MS4A7: variants seen among roughly 807,000 people sequenced by gnomAD.
The protein encoded by MS4A7 is membrane spanning 4-domains A7, also known as membrane-spanning 4-domains subfamily A member 7.
A neutral mutation model predicts 23.5 loss-of-function variants in MS4A7; 21 were observed. The ratio of observed to expected loss-of-function variants is 0.89; its 90% confidence interval spans 0.63 to 1.29. MS4A7 has a LOEUF of 1.29. Among genes scored for constraint, MS4A7 ranks in the 50% most tolerant of loss-of-function variants. The pLI is 0.00. For synonymous variants in MS4A7, 111 were observed against 107.4 expected (o/e 1.03, Z -0.21); for missense variants, 263 against 274.2 (o/e 0.96, Z 0.29).
intron 1 of MS4A7, among the ~76,000 whole-genome samples, chr11:60,382,758 A>G (rs1374373431): frequency 6.6e-6 from 1 of 152,258 alleles, no homozygotes; most frequent in Non-Finnish European, 1.5e-5. Flanking sequence ...AGAAGGTAGC[A>G]CAAGTGAAGC....
At chr11:60,382,977 C>T (rs1032079829) in intron 1 of MS4A7, among the ~76,000 whole-genome samples, 152 bp from the exon 2 acceptor site, 1 of 152,238 alleles carries the variant, frequency 6.6e-6, no homozygotes, top group Non-Finnish European at 1.5e-5. Context: ...CTTTCCAATG[C>T]TCCACTGATC....
intron 1 of MS4A7, among the ~76,000 whole-genome samples, chr11:60,381,393 G>A (rs150357015): frequency 2.6e-5 from 4 of 152,234 alleles, no homozygotes; most frequent in Admixed American, 6.5e-5. Flanking sequence ...TCTCATGCCC[G>A]GAGAGCATGA....
At chr11:60,384,274 C>T (rs2085460995) in intron 2 of MS4A7, among the ~76,000 whole-genome samples, 1 of 152,188 alleles carries the variant, frequency 6.6e-6, no homozygotes, top group African/African-American at 2.4e-5. Flanking sequence ...GTTGGTAAAA[C>T]ATAGCCTAAA....
chr11:60,395,034 G>A lies in MS4A7; in HGVS notation c.*1173G>A, dbSNP rs1013101415. 8.2e-5 allele frequency: 49 copies of A among 594,330 alleles called. No homozygotes were observed. Among genetic ancestry groups the A allele is most frequent in the Admixed American group, 5.3e-5 (2 of 37,910 alleles). The allele number at this position is 594,330 out of a possible 1,614,324, so 36.8% of individuals were successfully genotyped here. A position where few individuals can be genotyped will look rare whatever the true frequency, so the allele number is the denominator to read the frequency against. On this transcript the variant is annotated 3_prime_UTR_variant, in exon 7 of 7. Transcript: ENST00000300184. Reference sequence around the variant, plus strand: ...TTCTGCTTCTAGCTTGGAGCTAAATGCTGCTCATGCTGAAAAGAATAATGT... The same window carrying A: ...TTCTGCTTCTAGCTTGGAGCTAAATACTGCTCATGCTGAAAAGAATAATGT...
chr11:60,389,898 G>A (rs1389708641), intron 5 of MS4A7: 2 of 318,750 alleles, frequency 6.3e-6, no homozygotes, highest in Admixed American at 9.2e-5. Flanking sequence ...AACCTTTGTT[G>A]TACTCATCAC....
At chr11:60,391,607 T>C (rs906287889) in intron 5 of MS4A7, among the ~76,000 whole-genome samples, 2 of 152,160 alleles carry the variant, frequency 1.3e-5, no homozygotes, top group Non-Finnish European at 2.9e-5. Context: ...TTTTAAATCA[T>C]TAAAGATGTT....
chr11:60,393,571 T>C (rs1423436971), intron 6 of MS4A7, among the ~76,000 whole-genome samples: 2 of 152,248 alleles, frequency 1.3e-5, no homozygotes, highest in Admixed American at 6.5e-5. Context: ...AGAATTTGGA[T>C]GAATTATGAT....
chr11:60,379,543 TTTG>T (rs143170545), intron 1 of MS4A7, among the ~76,000 whole-genome samples: 40,924 of 151,672 alleles, frequency 0.27, 6,459 homozygotes, highest in East Asian at 0.37. Context: ...TGTTTGTTTG[TTTG>T]TTTTTTAATT....
intron 4 of MS4A7, among the ~76,000 whole-genome samples, chr11:60,388,089 A>G (rs2085510857): frequency 6.6e-6 from 1 of 152,204 alleles, no homozygotes; most frequent in Admixed American, 6.5e-5. Flanking sequence ...AGCTATATGG[A>G]TTCATGTGCT....
intron 5 of MS4A7, 68 bp downstream of exon 5, chr11:60,389,664 C>T (rs2085530552): frequency 1.4e-6 from 2 of 1,441,692 alleles, no homozygotes; most frequent in South Asian, 2.3e-5. Context: ...ATACTCTCTG[C>T]TTTTCTGGCA....
chr11:60,389,774 G>T, intron 5 of MS4A7, 178 bp downstream of exon 5: 1 of 609,208 alleles, frequency 1.6e-6, no homozygotes. Context: ...TGTGGGGGAT[G>T]TACTATAGAA....
rs191005773 is a variant in MS4A7 at position 60,386,877 on chromosome 11, G to C, written c.339+104G>C. 25 of 1,025,328 alleles carry C rather than the reference G, an allele frequency of 2.4e-5. No individual in the cohort carries two copies. In the African/African-American group the frequency reaches 3.8e-4, roughly 15 times the overall value. 63.5% of individuals were successfully genotyped at this position (1,025,328 alleles called of 1,614,324 possible). On this transcript the variant is annotated intron_variant, in intron 4 of 6. Coordinates refer to ENST00000300184, the MANE Select transcript of MS4A7 (RefSeq NM_021201.5). ...CTATTTTACAATTTAGAGAGAAAAA[G>C]CTTAGAACAGGCTAGGAAGCCCAGG...
Position 60,385,241 on chromosome 11 carries a change from C to G in MS4A7, c.282+19C>G. ...TCTGTGTGTGAGTAGAATGGGGACT[C>G]TAAGAGGGGACATGCTTTATAAATG... On this transcript the variant is annotated intron_variant, in intron 3 of 6. Transcript: ENST00000300184. 1 of 1,613,510 alleles carries G rather than the reference C, an allele frequency of 6.2e-7. No homozygotes were observed. The highest frequency in any genetic ancestry group is 2.2e-5 in the East Asian group (1 of 44,864).
rs1341718608 is a variant in MS4A7, at chr11:60,389,499, G to T, written c.449G>T (p.Gly150Val). Residue 150 changes from glycine to valine, a missense_variant, in exon 5 of 7, where the codon GGC becomes GTC. Physicochemically the swap from Gly to Val is moderately radical, Grantham distance 109 (BLOSUM62 -3). Coordinates refer to ENST00000300184, the MANE Select transcript of MS4A7 (RefSeq NM_021201.5). ...CTGAGGACTGCCTCTCAACATTGTG[G>T]CTCAGAAATGGATTATCTATCCTCA... Reference protein sequence around the residue: ...VALRTASQHCGSEMDYLSSLP... With the variant: ...VALRTASQHCVSEMDYLSSLP... 2 of 1,614,062 alleles carry T rather than the reference G, an allele frequency of 1.2e-6. No individual in the cohort carries two copies. The highest frequency in any genetic ancestry group is 2.2e-5 in the South Asian group (2 of 91,080).
rs963124196 is a variant in MS4A7, at chr11:60,389,815, G to A, written c.546+219G>A. 7.7e-5 allele frequency: 42 copies of A among 546,668 alleles called. No individual in the cohort carries two copies. The African/African-American group carries it at 7.8e-4, about 10-fold the overall frequency. 33.9% of individuals were successfully genotyped at this position (546,668 alleles called of 1,614,324 possible). On this transcript the variant is annotated intron_variant, in intron 5 of 6. Transcript: ENST00000300184. ...AAAGAGGAAATCATGAAGGACAGTA[G>A]GGAGTCTATCCCTCCACTGGTCTTT...
rs2085608205 is a variant in MS4A7, at chr11:60,395,619, A to G, written c.*1758A>G. On this transcript the variant is annotated 3_prime_UTR_variant, in exon 7 of 7. Transcript: ENST00000300184. ...AGTATTTGTGTAGTTCAAACCAGGA[A>G]GGATTTGACTATCATTAGATTTTGC... is the stretch of plus-strand genomic sequence containing the variant. 1 of 152,204 alleles carries G rather than the reference A, an allele frequency of 6.6e-6. No homozygotes were observed. Among genetic ancestry groups the G allele is most frequent in the South Asian group, 2.1e-4 (1 of 4,830 alleles). The allele number at this position is 152,204 out of a possible 1,614,324, so 9.4% of individuals were successfully genotyped here. A position where few individuals can be genotyped will look rare whatever the true frequency, so the allele number is the denominator to read the frequency against.
chr11:60,391,586 A>T (rs2085550669), intron 5 of MS4A7, among the ~76,000 whole-genome samples: 1 of 152,228 alleles, frequency 6.6e-6, no homozygotes, highest in Non-Finnish European at 1.5e-5. Flanking sequence ...CAAGGCTATT[A>T]TGAAAATACA....
Position 60,384,809 on chromosome 11 carries a change from A to C in MS4A7, c.148-279A>C, listed in dbSNP as rs57840633. Among the ~76,000 whole-genome samples the C allele has an allele frequency of 1.0e-2, 1,522 of 152,270 alleles. 30 individuals carry two copies. Among genetic ancestry groups the C allele is most frequent in the African/African-American group, 0.034 (1,412 of 41,554 alleles). The stretch of plus-strand genomic sequence containing the variant: ...ACTTTTTTATCTACTTTTCAAGAAA[A>C]TAAATTTAAAAACTGTCAAGTATCT... On this transcript the variant is annotated intron_variant, in intron 2 of 6. Coordinates refer to ENST00000300184, the MANE Select transcript of MS4A7 (RefSeq NM_021201.5).
intron 5 of MS4A7, 48 bp from the exon 6 acceptor site, chr11:60,392,637 A>G: frequency 2.7e-6 from 4 of 1,477,702 alleles, no homozygotes; most frequent in Non-Finnish European, 3.8e-6. Context: ...AGCCAGGCAC[A>G]AGGGCTAGCT....
Sources: gnomAD v4.1 joint callset for allele counts (sites outside exome capture counted in the v4.1 genomes callset) on GRCh38, gnomAD v4.1.1 for gene constraint, MANE v1.5 for transcripts, NCBI Gene and HGNC (gene_info 2026-07-23, HGNC 2026-07-21) for gene names.